The following JAK1 variants were observed in gnomAD, a reference collection of about 807,000 sequenced individuals.
JAK1 encodes the protein tyrosine-protein kinase JAK1.
Under a neutral mutation model 136.6 loss-of-function variants are expected in JAK1, and 16 were observed. The observed-to-expected ratio is 0.12, with a 90% CI of 0.08 to 0.18. JAK1 has a LOEUF of 0.18. Ranked by LOEUF, JAK1 falls within the 10% of genes least tolerant of loss-of-function variation. The pLI, the probability that JAK1 is intolerant of heterozygous loss-of-function variation, is 1.00. For missense variants in JAK1, 859 were observed against 1,450.1 expected (o/e 0.59, Z 6.62); for synonymous variants, 492 against 519.5 (o/e 0.95, Z 0.72).
intron 2 of JAK1, among the ~76,000 whole-genome samples, chr1:64,993,937 G>T (rs938539738): frequency 6.6e-6 from 1 of 152,060 alleles, no homozygotes; most frequent in Non-Finnish European, 1.5e-5. Context: ...ATGTGCCACC[G>T]CACCTGGCAC....
At chr1:65,029,242 A>C (rs1024166511) in intron 2 of JAK1, among the ~76,000 whole-genome samples, 1 of 152,062 alleles carries the variant, frequency 6.6e-6, no homozygotes, top group African/African-American at 2.4e-5. Flanking sequence ...GACTACGGAC[A>C]TGCACCACTG....
chr1:64,913,681 A>AAGGAAGGAAGGG (rs1645332422), intron 1 of JAK1, among the ~76,000 whole-genome samples: 1 of 34,880 alleles, frequency 2.9e-5, no homozygotes, highest in African/African-American at 7.8e-5. Context: ...GGAAGGAAGG[A>AAGGAAGGAAGGG]AGGAAGGAAG....
chr1:64,966,797 G>T (rs532346792), upstream of JAK1, among the ~76,000 whole-genome samples: 36 of 151,218 alleles, frequency 2.4e-4, no homozygotes, highest in African/African-American at 8.3e-4. Flanking sequence ...TCTAGGACGC[G>T]AGGTCATCTA....
At chr1:64,918,930 G>A (rs1169536292) in intron 1 of JAK1, among the ~76,000 whole-genome samples, 7 of 151,890 alleles carry the variant, frequency 4.6e-5, no homozygotes, top group South Asian at 2.1e-4. Flanking sequence ...TTTTTTCGAA[G>A]AAGAAAAATT....
chr1:64,902,611 T>TGTGTGTGTGTGTGG (rs1645128538), intron 1 of JAK1, among the ~76,000 whole-genome samples: 1 of 149,196 alleles, frequency 6.7e-6, no homozygotes, highest in African/African-American at 2.5e-5. Flanking sequence ...TGTGTGTGTG[T>TGTGTGTGTGTGTGG]TATGGCATGT....
At chr1:65,006,911 C>G (rs1248620932) in intron 2 of JAK1, among the ~76,000 whole-genome samples, 1 of 152,102 alleles carries the variant, frequency 6.6e-6, no homozygotes, top group Non-Finnish European at 1.5e-5. Flanking sequence ...AGATGATTAA[C>G]ATTTTTAAAA....
Position 64,844,300 on chromosome 1 carries a change from C to T in JAK1, c.2252-85G>A, listed in dbSNP as rs570936240. ...CTGTCACTGCAGCCAGAACAGTGAG[C>T]CAATGAAGGAACTACTTCAAGCAGT... On this transcript the variant is annotated intron_variant, in intron 16 of 24. Transcript: ENST00000342505. This position sits in a 1 kb window ranked among gnomAD's most constrained non-coding sequence, Gnocchi z 5.7. The T allele has an allele frequency of 4.8e-5, 73 of 1,527,636 alleles. No individual in the cohort carries two copies. The East Asian group carries it at 1.5e-3, about 32-fold the overall frequency. 94.6% of individuals were successfully genotyped at this position (1,527,636 alleles called of 1,614,324 possible).
intron 1 of JAK1, among the ~76,000 whole-genome samples, chr1:64,911,717 A>G (rs1364450982): frequency 6.6e-6 from 1 of 152,210 alleles, no homozygotes; most frequent in Non-Finnish European, 1.5e-5. Flanking sequence ...AAGAGCAATA[A>G]AAGTTGAAAA....
At chr1:64,895,714 A>G (rs978518426) in intron 1 of JAK1, among the ~76,000 whole-genome samples, 1 of 152,248 alleles carries the variant, frequency 6.6e-6, no homozygotes, top group Non-Finnish European at 1.5e-5. Context: ...TACCTCCTAC[A>G]GCCATATAAT....
chr1:65,050,084 AC>A (rs1195005796), intron 1 of JAK1, among the ~76,000 whole-genome samples: 1 of 152,142 alleles, frequency 6.6e-6, no homozygotes, highest in Non-Finnish European at 1.5e-5. Flanking sequence ...GATTTTGAAC[AC>A]CTTGTTTTTA....
At chr1:64,873,628 T>C in intron 4 of JAK1, 105 bp from the exon 5 acceptor site, 2 of 1,307,566 alleles carry the variant, frequency 1.5e-6, no homozygotes, top group Non-Finnish European at 2.2e-6. Context: ...TGAAGTGCCC[T>C]GAGAAGCAGG....
intron 3 of JAK1, among the ~76,000 whole-genome samples, chr1:64,882,652 C>G (rs770096143): frequency 1.3e-5 from 2 of 152,126 alleles, no homozygotes; most frequent in African/African-American, 2.4e-5. Flanking sequence ...GGTTTCCCAC[C>G]TTCTGAGGGC....
At chr1:65,024,918 A>C (rs1646965587) in intron 2 of JAK1, among the ~76,000 whole-genome samples, 1 of 152,184 alleles carries the variant, frequency 6.6e-6, no homozygotes. Flanking sequence ...TAGAGGATGC[A>C]GTGAGCCGAG....
At chr1:65,011,002 T>C (rs1281193898) in intron 2 of JAK1, among the ~76,000 whole-genome samples, 4 of 152,150 alleles carry the variant, frequency 2.6e-5, no homozygotes, top group African/African-American at 2.4e-5. Context: ...ATAATAATAA[T>C]AGATATGTTT....
intron 1 of JAK1, among the ~76,000 whole-genome samples, chr1:65,054,378 T>C (rs140948920): frequency 0.016 from 2,394 of 152,214 alleles, 115 homozygotes; most frequent in Admixed American, 0.11. Flanking sequence ...ACATGCCACA[T>C]TTAAATGCTG....
At chr1:65,015,456 T>C (rs1456182888) in intron 2 of JAK1, among the ~76,000 whole-genome samples, 1 of 151,798 alleles carries the variant, frequency 6.6e-6, no homozygotes, top group Non-Finnish European at 1.5e-5. Flanking sequence ...GAATATAGCC[T>C]ATAAACAGAG....
At chr1:65,010,752 T>C (rs766491782) in intron 2 of JAK1, among the ~76,000 whole-genome samples, 2 of 152,170 alleles carry the variant, frequency 1.3e-5, no homozygotes, top group African/African-American at 4.8e-5. Context: ...AGGCCAAAGC[T>C]TGAGGTTGGC....
chr1:64,947,375 T>A (rs759299382), intron 1 of JAK1, among the ~76,000 whole-genome samples: 9 of 152,156 alleles, frequency 5.9e-5, no homozygotes, highest in Non-Finnish European at 1.2e-4. Flanking sequence ...ACTGTCCACC[T>A]TCCAGACCAA....
At chr1:65,042,088 A>G (rs1647138915) in intron 2 of JAK1, among the ~76,000 whole-genome samples, 1 of 152,106 alleles carries the variant, frequency 6.6e-6, no homozygotes. Context: ...AAGAAAAACA[A>G]AACAAAAAAA....
Sources: allele counts gnomAD v4.1 joint callset (sites outside exome capture counted in the v4.1 genomes callset), GRCh38; gene constraint gnomAD v4.1.1; non-coding constraint Gnocchi (gnomAD v3.1); transcripts MANE v1.5; gene names NCBI Gene and HGNC (gene_info 2026-07-23, HGNC 2026-07-21).